Variants in ALPK3 observed in about 807,000 individuals in gnomAD.
The protein encoded by ALPK3 is alpha-protein kinase 3.
In ALPK3, 102 loss-of-function variants were observed where a neutral mutation model predicts 140.0. That is an observed-to-expected ratio of 0.73 (90% CI 0.62 to 0.86). The LOEUF (loss-of-function observed/expected upper bound fraction) is 0.86. Among genes scored for constraint, ALPK3 ranks in the 40% least tolerant of loss-of-function variants. The pLI, the probability that ALPK3 is intolerant of heterozygous loss-of-function variation, is 0.00. For missense variants in ALPK3, 2,254 were observed against 2,208.2 expected, an observed-to-expected ratio of 1.02 and a Z score of -0.42; for synonymous variants, 938 against 898.5, an observed-to-expected ratio of 1.04 and a Z score of -0.79.
Position 84,863,564 on chromosome 15 carries a change from C to T in ALPK3, c.4423C>T (p.Gln1475Ter). 2 of 1,613,996 alleles carry T rather than the reference C, an allele frequency of 1.2e-6. No individual in the cohort carries two copies. Among genetic ancestry groups the T allele is most frequent in the Non-Finnish European group, 1.7e-6 (2 of 1,179,946 alleles). Residue 1475 changes from glutamine (Q) to a stop codon, truncating the protein, a stop_gained, in exon 11 of 14, where the codon CAG becomes TAG. Transcript: ENST00000258888. LOFTEE classifies it high-confidence loss of function. The part of the protein sequence containing the change: ...YDVTIQGCKI[Q>*]NMSREYCKIF... ...CCCTCATCCACAGGGGTGCAAGATC[C>T]AGAACATGAGTCGGGAGTACTGCAA... is the stretch of plus-strand genomic sequence containing the variant.
chr15:84,829,489 G>A (rs1963522707), intron 3 of ALPK3, among the ~76,000 whole-genome samples: 2 of 152,200 alleles, frequency 1.3e-5, no homozygotes, highest in South Asian at 2.1e-4. Flanking sequence ...TGGGCTTCTC[G>A]TGAGGATGAG....
Position 84,872,479 on chromosome 15 carries a change from A to G in ALPK3, c.*4023A>G, listed in dbSNP as rs1964084713. The G allele has an allele frequency of 6.6e-6, 1 of 152,232 alleles. No homozygotes were observed. The highest frequency in any genetic ancestry group is 2.1e-4 in the South Asian group (1 of 4,836). The allele number at this position is 152,232 out of a possible 1,614,324, so 9.4% of individuals were successfully genotyped here. On this transcript the variant is annotated 3_prime_UTR_variant, in exon 14 of 14. Transcript: ENST00000258888. Reference sequence around the variant, plus strand: ...CTTCGCCTGCTCTAGGCCCACCCCAAAGCTGGCAGTCTTCTAGGTCAGTTG... The same window carrying G: ...CTTCGCCTGCTCTAGGCCCACCCCAGAGCTGGCAGTCTTCTAGGTCAGTTG...
chr15:84,871,365 A>G lies in ALPK3; in HGVS notation c.*2909A>G, dbSNP rs899256412. 2 of 152,190 alleles carry G rather than the reference A, an allele frequency of 1.3e-5. No homozygotes were observed. Among genetic ancestry groups the G allele is most frequent in the South Asian group, 2.1e-4 (1 of 4,832 alleles). 9.4% of individuals were successfully genotyped at this position (152,190 alleles called of 1,614,324 possible). A position where few individuals can be genotyped will look rare whatever the true frequency, so the allele number is the denominator to read the frequency against. ...TGCCCTCTTTTACGTAGCAGCAATC[A>G]TATTTTCCCTTGATAGGGTTCATCA... On this transcript the variant is annotated 3_prime_UTR_variant, in exon 14 of 14. Coordinates refer to ENST00000258888, the MANE Select transcript of ALPK3 (RefSeq NM_020778.5).
chr15:84,820,258 C>G (rs1362290843), intron 1 of ALPK3, among the ~76,000 whole-genome samples: 3 of 152,130 alleles, frequency 2.0e-5, no homozygotes, highest in African/African-American at 7.2e-5. Context: ...AGTCACAGAA[C>G]CTATGATGTT....
intron 5 of ALPK3, among the ~76,000 whole-genome samples, chr15:84,848,530 G>A (rs899100121): frequency 3.3e-5 from 5 of 152,094 alleles, no homozygotes; most frequent in African/African-American, 1.2e-4. Context: ...AATCTAAAAG[G>A]AGGCAAGAAT....
intron 2 of ALPK3, among the ~76,000 whole-genome samples, 187 bp from the exon 3 acceptor site, chr15:84,827,297 C>T (rs1963498283): frequency 6.6e-6 from 1 of 152,210 alleles, no homozygotes; most frequent in Non-Finnish European, 1.5e-5. Context: ...CCATTCAACC[C>T]CTTGATACCT....
In ALPK3 at chr15:84,856,375, T is replaced by C; in HGVS notation, c.1654-17T>C. 6.4e-7 allele frequency: 1 copy of C among 1,570,880 alleles called. No homozygotes were observed. Among genetic ancestry groups the C allele is most frequent in the South Asian group, 1.2e-5 (1 of 82,130 alleles). On this transcript the variant is annotated splice_polypyrimidine_tract_variant and intron_variant, in intron 5 of 13. Coordinates refer to ENST00000258888, the MANE Select transcript of ALPK3 (RefSeq NM_020778.5). ...GTCCATGTAGTTAAATCCTTGCTTT[T>C]GTCCCTCTGTTTTCAGGTCCTGGAA...
intron 5 of ALPK3, among the ~76,000 whole-genome samples, chr15:84,844,078 A>C (rs1963698268): frequency 6.6e-6 from 1 of 152,136 alleles, no homozygotes; most frequent in Non-Finnish European, 1.5e-5. Flanking sequence ...ACAATACAAA[A>C]ATTACCTGGG....
chr15:84,836,314 A>G (rs899416870), intron 3 of ALPK3, among the ~76,000 whole-genome samples: 1 of 152,200 alleles, frequency 6.6e-6, no homozygotes, highest in African/African-American at 2.4e-5. Flanking sequence ...ACAAAGGGGT[A>G]CCATGATCTG....
chr15:84,844,833 G>A (rs1007023980), intron 5 of ALPK3, among the ~76,000 whole-genome samples: 2 of 152,020 alleles, frequency 1.3e-5, no homozygotes, highest in African/African-American at 4.8e-5. Context: ...CTCCAGCCTG[G>A]GCAACAGAGC....
In ALPK3 at chr15:84,858,584, T is replaced by C. The variant is rs1189445488; in HGVS notation, c.3817+29T>C. 3 of 1,550,208 alleles carry C rather than the reference T, an allele frequency of 1.9e-6. No homozygotes were observed. The East Asian group carries it at 6.8e-5, about 35-fold the overall frequency. ...AGCAGTGGGGAGGGAGAGGGATGGC[T>C]TCACAGGACAGGGCCACAGAAAGCA... On this transcript the variant is annotated intron_variant, in intron 6 of 13. Coordinates refer to ENST00000258888, the MANE Select transcript of ALPK3 (RefSeq NM_020778.5).
intron 11 of ALPK3, among the ~76,000 whole-genome samples, chr15:84,864,091 A>G (rs1437796734): frequency 6.6e-6 from 1 of 152,194 alleles, no homozygotes; most frequent in Non-Finnish European, 1.5e-5. Flanking sequence ...CTGGGGTCCC[A>G]CTGGCAGAGA....
chr15:84,827,568 C>T lies in ALPK3; in HGVS notation c.267C>T (p.Ser89=), dbSNP rs756601588. The change falls in exon 3 of 14, where the codon TCC becomes TCT. Residue 89 remains serine (S), a synonymous_variant. Transcript: ENST00000258888. ...CCACGCTCAAGTCCCGGTCTGTGTC[C>T]GAGGACAGCGACGTCAGGTTCACCT... ...FETTLKSRSV[S]EDSDVRFTCI... 2.3e-5 allele frequency: 37 copies of T among 1,614,040 alleles called. No homozygotes were observed. The highest frequency in any genetic ancestry group is 2.7e-5 in the African/African-American group (2 of 74,942).
In ALPK3 at chr15:84,857,219, C is replaced by A; in HGVS notation, c.2481C>A (p.Val827=). The change falls in exon 6 of 14, where the codon GTC becomes GTA. Residue 827 remains valine, a synonymous_variant. Coordinates refer to ENST00000258888, the MANE Select transcript of ALPK3 (RefSeq NM_020778.5). The stretch of plus-strand genomic sequence containing the variant: ...GAGGGCCACAGTCATCAGGCCCAGT[C>A]GAGGCCAAGCAGGAGGACAGCCCGT... ...RCRGPQSSGP[V]EAKQEDSPFQ... 5 of 1,613,988 alleles carry A rather than the reference C, an allele frequency of 3.1e-6. No individual in the cohort carries two copies. Among genetic ancestry groups the A allele is most frequent in the Non-Finnish European group, 3.4e-6 (4 of 1,179,930 alleles).
chr15:84,858,433 A>G lies in ALPK3; in HGVS notation c.3695A>G (p.Glu1232Gly). Residue 1232 changes from glutamate to glycine, a missense_variant, in exon 6 of 14, where the codon GAG (glutamate) becomes GGG (glycine). This residue lies in a region of ALPK3 where 2,088 missense variants were observed against 2,022.9 expected (regional missense o/e 1.03). Transcript: ENST00000258888. The stretch of plus-strand genomic sequence containing the variant: ...CTGGAGGTGCCTCGGGCAGAGGAGG[A>G]GCTGGCGGCAGGAGACCTGGGCCCC... Reference protein sequence around the residue: ...SMLEVPRAEEELAAGDLGPSP... With the variant: ...SMLEVPRAEEGLAAGDLGPSP... 1 of 1,563,286 alleles carries G rather than the reference A, an allele frequency of 6.4e-7. No individual in the cohort carries two copies. The highest frequency in any genetic ancestry group is 8.6e-7 in the Non-Finnish European group (1 of 1,157,320).
Position 84,859,358 on chromosome 15 carries a change from G to A in ALPK3, c.3933G>A (p.Lys1311=). 8 of 1,614,178 alleles carry A rather than the reference G, an allele frequency of 5.0e-6. No individual in the cohort carries two copies. Among genetic ancestry groups the A allele is most frequent in the Non-Finnish European group, 6.8e-6 (8 of 1,180,014 alleles). Reference sequence around the variant, plus strand: ...GTGACTCAGTCTTGACATGGGCCAAGGATCAGCGCCCAGTGGGCGAGGTGG... The same window carrying A: ...GTGACTCAGTCTTGACATGGGCCAAAGATCAGCGCCCAGTGGGCGAGGTGG... ...ILSDSVLTWA[K]DQRPVGEVGR... is the part of the protein sequence containing the mutation. The change falls in exon 7 of 14, where the codon AAG becomes AAA. Residue 1311 remains lysine, a synonymous_variant. Coordinates refer to ENST00000258888, the MANE Select transcript of ALPK3 (RefSeq NM_020778.5).
At chr15:84,842,542 G>A (rs1410466458) in intron 5 of ALPK3, among the ~76,000 whole-genome samples, 1 of 152,188 alleles carries the variant, frequency 6.6e-6, no homozygotes, top group Non-Finnish European at 1.5e-5. Flanking sequence ...GCACATGAGG[G>A]ACAAGCTGAT....
Position 84,868,264 on chromosome 15 carries a change from T to A in ALPK3, c.4926T>A (p.Ser1642Arg). 1 of 1,613,678 alleles carries A rather than the reference T, an allele frequency of 6.2e-7. No individual in the cohort carries two copies. Among genetic ancestry groups the A allele is most frequent in the Non-Finnish European group, 8.5e-7 (1 of 1,179,912 alleles). Residue 1642 changes from serine (S) to arginine (R), a missense_variant, in exon 14 of 14, where the codon AGT (serine) becomes AGA (arginine). Around this residue, in one of 3 missense-constraint regions of ALPK3, gnomAD observed 158 missense variants for 159.8 expected, o/e 0.99. Coordinates refer to ENST00000258888, the MANE Select transcript of ALPK3 (RefSeq NM_020778.5). Reference protein sequence around the residue: ...HPQAKAKGSKSPSAGRKGSQL... With the variant: ...HPQAKAKGSKRPSAGRKGSQL... ...AAGCCAAAGCCAAAGGCTCTAAGAG[T>A]CCATCTGCTGGCAGGAAAGGCTCCC...
intron 6 of ALPK3, 129 bp downstream of exon 6, chr15:84,858,684 G>C: frequency 7.5e-7 from 1 of 1,340,056 alleles, no homozygotes; most frequent in Non-Finnish European, 9.9e-7. Flanking sequence ...AATTACCTTG[G>C]TAAAGGTACC....
Sources: allele counts gnomAD v4.1 joint callset (sites outside exome capture counted in the v4.1 genomes callset), GRCh38; gene constraint gnomAD v4.1.1; regional missense constraint gnomAD v4.1.1; transcripts MANE v1.5; gene names NCBI Gene and HGNC (gene_info 2026-07-23, HGNC 2026-07-21).